PTPRM: variants seen among roughly 807,000 people sequenced by gnomAD.
PTPRM encodes the protein protein tyrosine phosphatase receptor type M, also known as receptor-type tyrosine-protein phosphatase mu.
In PTPRM, 47 loss-of-function variants were observed where a neutral mutation model predicts 186.7. The observed-to-expected ratio is 0.25, with a 90% CI of 0.20 to 0.32. The LOEUF is 0.32. Among genes scored for constraint, PTPRM ranks in the 10% least tolerant of loss-of-function variants. The pLI is 1.00. For synonymous variants in PTPRM, 668 were observed against 674.9 expected (o/e 0.99, Z 0.16); for missense variants, 1,494 against 1,865.0 (o/e 0.80, Z 3.66).
intron 13 of PTPRM, among the ~76,000 whole-genome samples, chr18:8,118,649 A>G (rs2092047890): frequency 6.6e-6 from 1 of 151,892 alleles, no homozygotes. Flanking sequence ...AAAATACAAA[A>G]ATTAGCCGGG....
At chr18:8,289,563 CAT>C (rs72435328) in intron 19 of PTPRM, among the ~76,000 whole-genome samples, 6,107 of 106,084 alleles carry the variant, frequency 0.058, 497 homozygotes, top group African/African-American at 0.11. Context: ...TATATATACA[CAT>C]ATATATATAT....
intron 19 of PTPRM, among the ~76,000 whole-genome samples, chr18:8,294,332 G>C (rs2095072044): frequency 6.6e-6 from 1 of 152,150 alleles, no homozygotes; most frequent in Non-Finnish European, 1.5e-5. Flanking sequence ...AGCTCCACAG[G>C]GCTGGGGAAG....
At chr18:8,370,528 A>G (rs188349159) in intron 23 of PTPRM, among the ~76,000 whole-genome samples, 3 of 152,370 alleles carry the variant, frequency 2.0e-5, no homozygotes, top group South Asian at 2.1e-4. Flanking sequence ...GAAACTAGAA[A>G]TAATTCAAAA....
intron 5 of PTPRM, among the ~76,000 whole-genome samples, chr18:7,927,713 C>T (rs2051258292): frequency 6.6e-6 from 1 of 152,046 alleles, no homozygotes; most frequent in Non-Finnish European, 1.5e-5. Context: ...ATCCTTCATT[C>T]CTTTTAATCA....
At position 8,394,563 on chromosome 18, in the gene PTPRM, C is replaced by T. The variant is rs187289542; in HGVS notation, c.4296C>T (p.His1432=). 84 of 1,613,690 alleles carry T rather than the reference C, an allele frequency of 5.2e-5. 1 individual carries two copies. In the Admixed American group the frequency reaches 8.2e-4, roughly 16 times the overall value. Residue 1432 remains histidine (H), a synonymous_variant, in exon 32 of 33, where the codon CAC becomes CAT. Transcript: ENST00000580170. ...ACCAGAGAACCGTGGATGTCTTTCA[C>T]GCTGTGAAGACACTGAGGAACAACA... ...LRHQRTVDVF[H]AVKTLRNNKP... is the part of the protein sequence containing the mutation.
chr18:8,140,502 T>C lies in PTPRM; in HGVS notation c.2168-3145T>C, dbSNP rs546458257. ...CTAGATGTTATAACTGAAATCTTAA[T>C]GCAATTTGACTGGAATACCACTCTT... On this transcript the variant is annotated intron_variant, in intron 13 of 32. Coordinates refer to ENST00000580170, the MANE Select transcript of PTPRM (RefSeq NM_001105244.2). Among the ~76,000 whole-genome samples the C allele has an allele frequency of 3.3e-5, 5 of 151,198 alleles. No homozygotes were observed. In the East Asian group the frequency reaches 9.7e-4, roughly 29 times the overall value.
At chr18:7,752,272 G>A (rs2041252569) in intron 1 of PTPRM, among the ~76,000 whole-genome samples, 3 of 152,110 alleles carry the variant, frequency 2.0e-5, no homozygotes, top group South Asian at 2.1e-4. Context: ...GATCATCTTT[G>A]AGGTATGATT....
intron 7 of PTPRM, among the ~76,000 whole-genome samples, chr18:8,028,876 T>A (rs1486295205): frequency 2.0e-5 from 3 of 152,218 alleles, no homozygotes; most frequent in Non-Finnish European, 4.4e-5. Flanking sequence ...TGCCCTTTAA[T>A]ATTGGCAATA....
At chr18:7,772,407 CTTTCTTT>C (rs2042355059) in intron 1 of PTPRM, among the ~76,000 whole-genome samples, 1 of 102,342 alleles carries the variant, frequency 9.8e-6, no homozygotes, top group African/African-American at 3.6e-5. Flanking sequence ...TTCTTTCTTT[CTTTCTTT>C]TCTTTCTTTC....
intron 2 of PTPRM, among the ~76,000 whole-genome samples, chr18:7,852,243 G>A (rs114547363): frequency 6.6e-6 from 1 of 152,076 alleles, no homozygotes; most frequent in Admixed American, 6.6e-5. Context: ...TTTGCTGCTT[G>A]CAAGAGACAT....
intron 1 of PTPRM, among the ~76,000 whole-genome samples, chr18:7,712,077 C>T (rs1237962976): frequency 6.6e-6 from 1 of 152,164 alleles, no homozygotes; most frequent in African/African-American, 2.4e-5. Flanking sequence ...AGACACCTCC[C>T]AGCAGGGGCC....
Position 8,240,656 on chromosome 18 carries a change from AGAAAGAAAGAAAG to A in PTPRM, c.2301-3401_2301-3389del, listed in dbSNP as rs1169081157. 1.9e-3 allele frequency among the ~76,000 whole-genome samples: 25 copies of A among 13,174 alleles called. 1 individual carries two copies. Among genetic ancestry groups the A allele is most frequent in the Admixed American group, 6.3e-3 (7 of 1,114 alleles). The allele number at this position is 13,174 out of a possible 152,430, so 8.6% of individuals were successfully genotyped here. ...GAGAGAGAGAGAGAGAGAGAGAGAA[AGAAAGAAAGAAAG>A]AAAGAAAGAAAAAGAAAGAGAGAAA... is the stretch of plus-strand genomic sequence containing the variant. On this transcript the variant is annotated intron_variant, in intron 14 of 32. Coordinates refer to ENST00000580170, the MANE Select transcript of PTPRM (RefSeq NM_001105244.2).
intron 14 of PTPRM, among the ~76,000 whole-genome samples, chr18:8,147,705 G>A (rs1342224412): frequency 2.0e-5 from 3 of 152,166 alleles, no homozygotes; most frequent in Admixed American, 6.5e-5. Flanking sequence ...AGTGAGAGAG[G>A]ACATCCTTGT....
chr18:7,677,371 A>C (rs1448523539), intron 1 of PTPRM, among the ~76,000 whole-genome samples: 3 of 152,204 alleles, frequency 2.0e-5, no homozygotes, highest in African/African-American at 7.2e-5. Flanking sequence ...TAACAGCCTT[A>C]TGTTTCAACA....
intron 14 of PTPRM, among the ~76,000 whole-genome samples, chr18:8,218,456 A>C (rs1284302593): frequency 6.6e-6 from 1 of 152,210 alleles, no homozygotes; most frequent in Non-Finnish European, 1.5e-5. Context: ...GCCTTGTGGA[A>C]GACTAAGGGA....
chr18:7,812,759 A>G (rs2044598333), intron 2 of PTPRM, among the ~76,000 whole-genome samples: 1 of 152,050 alleles, frequency 6.6e-6, no homozygotes, highest in Non-Finnish European at 1.5e-5. Flanking sequence ...TACTTGTTCA[A>G]AGTGCACTGG....
At chr18:8,136,509 A>G (rs534375448) in intron 13 of PTPRM, among the ~76,000 whole-genome samples, 1 of 152,336 alleles carries the variant, frequency 6.6e-6, no homozygotes, top group Non-Finnish European at 1.5e-5. Flanking sequence ...GATATATATC[A>G]AACAATCCAT....
At chr18:8,143,821 T>C (rs1267059100) in intron 14 of PTPRM, 42 bp downstream of exon 14, 5 of 1,605,734 alleles carry the variant, frequency 3.1e-6, no homozygotes, top group Non-Finnish European at 4.3e-6. Flanking sequence ...TATATCCCAT[T>C]GTTTGCTGGA....
intron 22 of PTPRM, among the ~76,000 whole-genome samples, chr18:8,320,362 T>C (rs2095338203): frequency 6.6e-6 from 1 of 152,112 alleles, no homozygotes; most frequent in Non-Finnish European, 1.5e-5. Flanking sequence ...GTCCCATTGA[T>C]GAGTCATAGC....
Sources: gnomAD v4.1 joint callset for allele counts (sites outside exome capture counted in the v4.1 genomes callset) on GRCh38, gnomAD v4.1.1 for gene constraint, MANE v1.5 for transcripts, NCBI Gene and HGNC (gene_info 2026-07-23, HGNC 2026-07-21) for gene names.